THSD7B: variants seen among roughly 807,000 people sequenced by gnomAD.
THSD7B encodes the protein thrombospondin type 1 domain containing 7B.
In THSD7B, 138 loss-of-function variants were observed where a neutral mutation model predicts 213.6. That is an observed-to-expected ratio of 0.65 (90% CI 0.56 to 0.74). The LOEUF (loss-of-function observed/expected upper bound fraction) is 0.74, where lower values mean the gene tolerates loss of function less well. Ranked by LOEUF, THSD7B falls within the 30% of genes least tolerant of loss-of-function variation. The pLI is 0.00. For synonymous variants in THSD7B, 742 were observed against 687.0 expected, an observed-to-expected ratio of 1.08 and a Z score of -1.25; for missense variants, 1,931 against 1,991.5, an observed-to-expected ratio of 0.97 and a Z score of 0.58.
At chr2:136,910,661 A>C (rs886753551) in intron 2 of THSD7B, among the ~76,000 whole-genome samples, 1 of 152,172 alleles carries the variant, frequency 6.6e-6, no homozygotes, top group Admixed American at 6.6e-5. Flanking sequence ...TGAACAATTC[A>C]GGAGTTATGA....
intron 1 of THSD7B, among the ~76,000 whole-genome samples, chr2:136,874,669 T>G (rs192536144): frequency 1.3e-5 from 2 of 152,324 alleles, no homozygotes; most frequent in East Asian, 3.9e-4. Flanking sequence ...GAGGCACTTT[T>G]TTTTATAGTC....
intron 5 of THSD7B, among the ~76,000 whole-genome samples, chr2:137,140,632 T>G (rs1261518555): frequency 6.6e-6 from 1 of 152,130 alleles, no homozygotes; most frequent in Non-Finnish European, 1.5e-5. Flanking sequence ...AGAATTGAAG[T>G]CTTGCTTTTT....
At chr2:137,530,561 C>T (rs997486143) in intron 15 of THSD7B, among the ~76,000 whole-genome samples, 1 of 151,944 alleles carries the variant, frequency 6.6e-6, no homozygotes, top group Non-Finnish European at 1.5e-5. Flanking sequence ...GGTAATCATG[C>T]TGTTTTAGCA....
intron 5 of THSD7B, among the ~76,000 whole-genome samples, chr2:137,142,548 C>G (rs547555083): frequency 3.9e-5 from 6 of 152,200 alleles, no homozygotes; most frequent in African/African-American, 9.6e-5. Context: ...GTCTATTATA[C>G]TATCTTAAGC....
At chr2:136,772,500 T>A (rs1681525888) in intron 1 of THSD7B, among the ~76,000 whole-genome samples, 1 of 152,166 alleles carries the variant, frequency 6.6e-6, no homozygotes, top group Non-Finnish European at 1.5e-5. Flanking sequence ...AAGACAGACA[T>A]ATTTAGGAAA....
chr2:136,807,180 G>A (rs186882522), intron 1 of THSD7B, among the ~76,000 whole-genome samples: 3 of 152,242 alleles, frequency 2.0e-5, no homozygotes, highest in South Asian at 2.1e-4. Context: ...AAGTCACTAA[G>A]TAGAGCCCAA....
chr2:137,093,033 G>A (rs954908682), intron 3 of THSD7B, among the ~76,000 whole-genome samples: 5 of 152,014 alleles, frequency 3.3e-5, no homozygotes, highest in South Asian at 4.1e-4. Flanking sequence ...TACATTCTTC[G>A]AATATTATCC....
intron 12 of THSD7B, among the ~76,000 whole-genome samples, chr2:137,360,380 C>A (rs1685225828): frequency 6.6e-6 from 1 of 152,040 alleles, no homozygotes; most frequent in Non-Finnish European, 1.5e-5. Context: ...AGGGTGCACC[C>A]TACGGAGGGT....
At chr2:137,171,060 A>G (rs777816580) in intron 7 of THSD7B, 122 bp downstream of exon 7, 22 of 1,109,642 alleles carry the variant, frequency 2.0e-5, no homozygotes, top group Non-Finnish European at 2.7e-5. Flanking sequence ...ATCCTTGAAT[A>G]TTTATGTTTA....
At chr2:136,849,001 AT>A (rs1278248506) in intron 1 of THSD7B, among the ~76,000 whole-genome samples, 1 of 152,082 alleles carries the variant, frequency 6.6e-6, no homozygotes, top group Non-Finnish European at 1.5e-5. Context: ...TGCAAGTTAA[AT>A]TTTTTAATTC....
intron 1 of THSD7B, among the ~76,000 whole-genome samples, chr2:136,783,553 A>C (rs1267884601): frequency 6.6e-6 from 1 of 152,148 alleles, no homozygotes; most frequent in Non-Finnish European, 1.5e-5. Flanking sequence ...AGCCACCAAG[A>C]GAGACCTGGA....
intron 2 of THSD7B, among the ~76,000 whole-genome samples, chr2:137,017,211 TAAC>T (rs1686357564): frequency 6.6e-6 from 1 of 151,762 alleles, no homozygotes; most frequent in East Asian, 1.9e-4. Context: ...CCGCTATTCT[TAAC>T]AAAAAAGAAA....
intron 1 of THSD7B, among the ~76,000 whole-genome samples, chr2:136,864,352 G>A (rs1683299797): frequency 1.3e-5 from 2 of 152,210 alleles, no homozygotes; most frequent in African/African-American, 2.4e-5. Flanking sequence ...CTGAATAAAT[G>A]TTCTTGTTGA....
chr2:137,645,718 G>T (rs568322224), intron 21 of THSD7B, among the ~76,000 whole-genome samples: 2 of 151,322 alleles, frequency 1.3e-5, no homozygotes, highest in Admixed American at 1.3e-4. Context: ...TTTACCTAAG[G>T]GTCCATGTAT....
rs958992392 is a variant in THSD7B, at chr2:136,936,531, G to A, written c.139+54214G>A. Among the ~76,000 whole-genome samples the A allele has an allele frequency of 2.6e-5, 4 of 152,258 alleles. No individual in the cohort carries two copies. The South Asian group carries it at 8.3e-4, about 32-fold the overall frequency. Reference sequence around the variant, plus strand: ...TAATGGCATTTGCCACAACCTGGATGGGATTGGAGACTATTATTCTAAGAA... The same window carrying A: ...TAATGGCATTTGCCACAACCTGGATAGGATTGGAGACTATTATTCTAAGAA... On this transcript the variant is annotated intron_variant, in intron 2 of 27. Transcript: ENST00000409968.
intron 16 of THSD7B, among the ~76,000 whole-genome samples, chr2:137,565,801 A>G (rs1459860298): frequency 6.6e-6 from 1 of 152,122 alleles, no homozygotes; most frequent in African/African-American, 2.4e-5. Flanking sequence ...TTATAAAGCC[A>G]CCAGTCTCAT....
chr2:137,518,278 A>G (rs1444004158), intron 15 of THSD7B, among the ~76,000 whole-genome samples: 1 of 152,142 alleles, frequency 6.6e-6, no homozygotes, highest in Non-Finnish European at 1.5e-5. Flanking sequence ...GCACCACCCG[A>G]AAGTGGACAG....
intron 7 of THSD7B, among the ~76,000 whole-genome samples, chr2:137,214,914 AGC>A (rs1681202536): frequency 6.6e-6 from 1 of 152,156 alleles, no homozygotes; most frequent in Admixed American, 6.5e-5. Context: ...ATGTCTTTAT[AGC>A]AGCATGATTT....
At chr2:136,855,125 T>A (rs960246077) in intron 1 of THSD7B, among the ~76,000 whole-genome samples, 1 of 152,142 alleles carries the variant, frequency 6.6e-6, no homozygotes, top group Non-Finnish European at 1.5e-5. Context: ...CTTACTCGCG[T>A]CTCCTTTATA....
Sources: allele counts gnomAD v4.1 joint callset (sites outside exome capture counted in the v4.1 genomes callset), GRCh38; gene constraint gnomAD v4.1.1; transcripts MANE v1.5; gene names NCBI Gene and HGNC (gene_info 2026-07-23, HGNC 2026-07-21).